Variants in KDM4C observed in about 807,000 individuals in gnomAD.
KDM4C encodes the protein lysine-specific demethylase 4C.
In KDM4C, 81 loss-of-function variants were observed where a neutral mutation model predicts 129.3. That is an observed-to-expected ratio of 0.63 (90% CI 0.52 to 0.75). The LOEUF is 0.75. Among genes scored for constraint, KDM4C ranks in the 30% least tolerant of loss-of-function variants. KDM4C has a pLI of 0.00. For synonymous variants in KDM4C, 573 were observed against 456.1 expected (o/e 1.26, Z -3.26); for missense variants, 1,457 against 1,304.0 (o/e 1.12, Z -1.81).
chr9:7,032,510 A>G (rs563202625), intron 15 of KDM4C, among the ~76,000 whole-genome samples: 7 of 152,354 alleles, frequency 4.6e-5, no homozygotes, highest in East Asian at 1.9e-4. Flanking sequence ...CAGAATAACT[A>G]TGGATTTTCA....
chr9:7,028,908 G>A (rs1041744359), intron 15 of KDM4C, among the ~76,000 whole-genome samples: 1 of 150,122 alleles, frequency 6.7e-6, no homozygotes, highest in African/African-American at 2.5e-5. Context: ...ACCGTTGCCA[G>A]GGGATAAGGG....
chr9:7,029,838 CT>C (rs1460151155), intron 15 of KDM4C, among the ~76,000 whole-genome samples: 1 of 152,158 alleles, frequency 6.6e-6, no homozygotes, highest in Admixed American at 6.5e-5. Context: ...CCTTTTATGA[CT>C]TTGACCAATC....
chr9:6,855,304 C>G, intron 5 of KDM4C, among the ~76,000 whole-genome samples: 1 of 151,628 alleles, frequency 6.6e-6, no homozygotes, highest in Non-Finnish European at 1.5e-5. Context: ...ACTAAAAATA[C>G]AAAAATTAGC....
chr9:6,754,822 C>A (rs1439420947), upstream of KDM4C, among the ~76,000 whole-genome samples: 1 of 147,630 alleles, frequency 6.8e-6, no homozygotes. Context: ...CTGTATTGAG[C>A]CGTGATAGTG....
At chr9:6,996,235 T>C (rs818890) in intron 12 of KDM4C, among the ~76,000 whole-genome samples, 28,460 of 152,176 alleles carry the variant, frequency 0.19, 2,663 homozygotes, top group Admixed American at 0.22. Flanking sequence ...TCAGCAGCAC[T>C]TTAATCGTGC....
intron 8 of KDM4C, chr9:6,974,997 C>G (rs564392470): frequency 6.6e-6 from 1 of 152,274 alleles, no homozygotes; most frequent in South Asian, 2.1e-4. Context: ...TTTGGAGACC[C>G]CGGAGCAAAC....
At chr9:7,161,019 A>G (rs887700958) in intron 19 of KDM4C, among the ~76,000 whole-genome samples, 3 of 151,840 alleles carry the variant, frequency 2.0e-5, no homozygotes, top group Non-Finnish European at 4.4e-5. Context: ...TTGTTTACCT[A>G]CTCAAGCCTC....
At chr9:7,023,689 C>G (rs2132281050) in intron 15 of KDM4C, among the ~76,000 whole-genome samples, 1 of 152,086 alleles carries the variant, frequency 6.6e-6, no homozygotes. Flanking sequence ...TTCGTTTGCT[C>G]TTGCTTTTGT....
chr9:6,833,885 C>G (rs994803844), intron 4 of KDM4C, among the ~76,000 whole-genome samples: 2 of 152,172 alleles, frequency 1.3e-5, no homozygotes, highest in Admixed American at 6.6e-5. Context: ...TTTTTGACAT[C>G]TGTCAGAGCC....
chr9:7,112,973 C>T (rs762155730), intron 18 of KDM4C, among the ~76,000 whole-genome samples: 1 of 151,976 alleles, frequency 6.6e-6, no homozygotes, highest in Non-Finnish European at 1.5e-5. Flanking sequence ...ACCAGCTATA[C>T]TCTTTTTTTT....
intron 5 of KDM4C, among the ~76,000 whole-genome samples, chr9:6,862,210 A>G (rs1242422427): frequency 2.0e-5 from 3 of 152,214 alleles, no homozygotes; most frequent in African/African-American, 4.8e-5. Context: ...GGAAGATATT[A>G]TACTTGAGAA....
chr9:6,775,545 G>A (rs1696380883), intron 1 of KDM4C, among the ~76,000 whole-genome samples: 1 of 151,182 alleles, frequency 6.6e-6, no homozygotes, highest in African/African-American at 2.4e-5. Flanking sequence ...TTTTTGAGAT[G>A]GAGTTTCGTT....
chr9:6,893,115 A>C lies in KDM4C; in HGVS notation c.804A>C (p.Glu268Asp). The part of the protein sequence containing the change: ...PFDKITQEAG[E>D]FMITFPYGYH... The stretch of plus-strand genomic sequence containing the variant: ...TGCAGATAACCCAGGAGGCTGGAGA[A>C]TTCATGATCACTTTCCCATATGGCT... Residue 268 changes from glutamate (E) to aspartate (D), a missense_variant, in exon 8 of 22, where the codon GAA (glutamate) becomes GAC (aspartate). By Grantham distance (45) the Glu-to-Asp change is conservative (BLOSUM62 2). Coordinates refer to ENST00000381309, the MANE Select transcript of KDM4C (RefSeq NM_015061.6). 6.3e-7 allele frequency: 1 copy of C among 1,590,954 alleles called. No individual in the cohort carries two copies. Among genetic ancestry groups the C allele is most frequent in the Non-Finnish European group, 8.6e-7 (1 of 1,168,304 alleles).
chr9:6,838,633 G>C (rs1237208459), intron 4 of KDM4C, among the ~76,000 whole-genome samples: 1 of 152,030 alleles, frequency 6.6e-6, no homozygotes, highest in South Asian at 2.1e-4. Flanking sequence ...TTCAAAACTT[G>C]CTATATGATG....
intron 1 of KDM4C, among the ~76,000 whole-genome samples, chr9:6,763,909 T>C (rs538835979): frequency 6.6e-6 from 1 of 152,230 alleles, no homozygotes; most frequent in South Asian, 2.1e-4. Flanking sequence ...AGGCCTGCGC[T>C]ACCACGCCCA....
intron 8 of KDM4C, among the ~76,000 whole-genome samples, chr9:6,940,048 TCC>T: frequency 7.4e-6 from 1 of 134,994 alleles, no homozygotes; most frequent in Admixed American, 7.2e-5. Flanking sequence ...CTTCCTTCCC[TCC>T]TTCCCTCCTT....
intron 8 of KDM4C, among the ~76,000 whole-genome samples, chr9:6,942,265 C>T (rs1213549686): frequency 2.1e-5 from 3 of 144,054 alleles, no homozygotes; most frequent in Non-Finnish European, 4.5e-5. Flanking sequence ...ATTTCTTTCT[C>T]ATGTTCTAGC....
intron 1 of KDM4C, among the ~76,000 whole-genome samples, chr9:6,785,079 T>C (rs1401417785): frequency 6.6e-6 from 1 of 152,216 alleles, no homozygotes; most frequent in African/African-American, 2.4e-5. Context: ...CTAATGTAAC[T>C]AATTATCACA....
chr9:6,854,535 A>AAAAAAAAAAAC (rs1157920055), intron 5 of KDM4C, among the ~76,000 whole-genome samples: 1 of 147,382 alleles, frequency 6.8e-6, no homozygotes, highest in Non-Finnish European at 1.5e-5. Flanking sequence ...CAAAAAAAAA[A>AAAAAAAAAAAC]AAAAAAAAAA....
Sources: allele counts gnomAD v4.1 joint callset (sites outside exome capture counted in the v4.1 genomes callset), GRCh38; gene constraint gnomAD v4.1.1; transcripts MANE v1.5; gene names NCBI Gene and HGNC (gene_info 2026-07-23, HGNC 2026-07-21).